SANBR: variants seen among roughly 807,000 people sequenced by gnomAD.
The protein encoded by SANBR is SANT and BTB domain regulator of class switch recombination.
SANBR carries 77 observed loss-of-function variants against 101.8 expected under a neutral mutation model. The ratio of observed to expected loss-of-function variants is 0.76; its 90% confidence interval spans 0.63 to 0.91. SANBR has a LOEUF of 0.91. Ranked by LOEUF, SANBR falls within the 40% of genes least tolerant of loss-of-function variation. The probability of loss-of-function intolerance (pLI) is 0.00; values close to 1 mark genes in which losing one functional copy is unlikely to be tolerated. For missense variants in SANBR, 875 were observed against 853.0 expected, an observed-to-expected ratio of 1.03 and a Z score of -0.32; for synonymous variants, 279 against 274.7, an observed-to-expected ratio of 1.02 and a Z score of -0.15.
chr2:61,107,533 G>A (rs1437824361), intron 14 of SANBR, among the ~76,000 whole-genome samples: 1 of 152,204 alleles, frequency 6.6e-6, no homozygotes, highest in Non-Finnish European at 1.5e-5. Flanking sequence ...CTGTCTTTGT[G>A]TTGGTTAAGA....
At chr2:61,068,515 C>T (rs1681296703) in intron 1 of SANBR, among the ~76,000 whole-genome samples, 1 of 152,150 alleles carries the variant, frequency 6.6e-6, no homozygotes. Flanking sequence ...TTATTTAATC[C>T]TCACCGTAAC....
chr2:61,106,753 T>C (rs527696225), intron 14 of SANBR, 91 bp downstream of exon 14: 3 of 730,082 alleles, frequency 4.1e-6, no homozygotes, highest in Non-Finnish European at 4.4e-6. Flanking sequence ...TAAGTTGAAA[T>C]TGAACTGACT....
At chr2:61,099,850 G>A (rs541402618) in intron 12 of SANBR, among the ~76,000 whole-genome samples, 1 of 152,066 alleles carries the variant, frequency 6.6e-6, no homozygotes, top group Non-Finnish European at 1.5e-5. Flanking sequence ...GTGGACTGTG[G>A]TGCCTAATAC....
chr2:61,086,214 AG>A (rs1489048281), intron 8 of SANBR, among the ~76,000 whole-genome samples: 2 of 151,840 alleles, frequency 1.3e-5, no homozygotes, highest in Non-Finnish European at 2.9e-5. Flanking sequence ...CCCAAGCTGG[AG>A]GGTAGTGGTA....
rs1234920160 is a variant in SANBR at position 61,123,419 on chromosome 2, A to T, written c.*1257A>T. 2.0e-6 allele frequency: 2 copies of T among 984,920 alleles called. No homozygotes were observed. The highest frequency in any genetic ancestry group is 2.2e-4 in the East Asian group (2 of 8,968). 61.0% of individuals were successfully genotyped at this position (984,920 alleles called of 1,614,324 possible). A position where few individuals can be genotyped will look rare whatever the true frequency, so the allele number is the denominator to read the frequency against. On this transcript the variant is annotated 3_prime_UTR_variant, in exon 22 of 22. Coordinates refer to ENST00000402291, the MANE Select transcript of SANBR (RefSeq NM_001129993.3). Reference sequence around the variant, plus strand: ...TCTTTTAGTTGATAAATGAAGCTAGATGTTATTTGATAACTGGCTTTGCCA... The same window carrying T: ...TCTTTTAGTTGATAAATGAAGCTAGTTGTTATTTGATAACTGGCTTTGCCA...
chr2:61,070,156 T>A (rs1051243492), intron 2 of SANBR, among the ~76,000 whole-genome samples, 186 bp from the exon 3 acceptor site: 4 of 152,242 alleles, frequency 2.6e-5, no homozygotes, highest in Admixed American at 2.6e-4. Context: ...CATTTATCAA[T>A]GCATAATATT....
intron 12 of SANBR, among the ~76,000 whole-genome samples, chr2:61,101,931 G>A (rs1033804109): frequency 6.6e-6 from 1 of 151,870 alleles, no homozygotes; most frequent in African/African-American, 2.4e-5. Context: ...CCAGCTACTC[G>A]GGAGGCAGGA....
At chr2:61,100,750 T>C (rs1272032407) in intron 12 of SANBR, among the ~76,000 whole-genome samples, 2 of 152,152 alleles carry the variant, frequency 1.3e-5, no homozygotes, top group East Asian at 1.9e-4. Flanking sequence ...AGGTTTGAAA[T>C]AGTATTTTGA....
chr2:61,110,969 C>T (rs1683802460), intron 16 of SANBR, among the ~76,000 whole-genome samples: 1 of 152,114 alleles, frequency 6.6e-6, no homozygotes, highest in African/African-American at 2.4e-5. Flanking sequence ...TTTTATTAGA[C>T]ACAAAAACCT....
At position 61,122,625 on chromosome 2, in the gene SANBR, T is replaced by A; in HGVS notation, c.*463T>A. On this transcript the variant is annotated 3_prime_UTR_variant, in exon 22 of 22. Coordinates refer to ENST00000402291, the MANE Select transcript of SANBR (RefSeq NM_001129993.3). The stretch of plus-strand genomic sequence containing the variant: ...GCAGGTTGTGTGACGAAATTCCCAA[T>A]GATGCTAATTTTAAGTCTGCATGAA... 1 of 987,196 alleles carries A rather than the reference T, an allele frequency of 1.0e-6. No individual in the cohort carries two copies. The highest frequency in any genetic ancestry group is 1.2e-6 in the Non-Finnish European group (1 of 831,092). The allele number at this position is 987,196 out of a possible 1,614,324, so 61.2% of individuals were successfully genotyped here. A position where few individuals can be genotyped will look rare whatever the true frequency, so the allele number is the denominator to read the frequency against.
chr2:61,083,271 A>G lies in SANBR; in HGVS notation c.847A>G (p.Asn283Asp). The change falls in exon 8 of 22, where the codon AAT (asparagine) becomes GAT (aspartate). Residue 283 changes from asparagine (N) to aspartate (D), a missense_variant. Physicochemically the swap from Asn to Asp is conservative, Grantham distance 23 (BLOSUM62 1). Coordinates refer to ENST00000402291, the MANE Select transcript of SANBR (RefSeq NM_001129993.3). The stretch of plus-strand genomic sequence containing the variant: ...ACGTATAGCTGATCTGTTCTCACAC[A>G]ATGAAGTTGATGATTTAAAGGACAA... ...LTRIADLFSH[N>D]EVDDLKDKKD... 1.9e-6 allele frequency: 3 copies of G among 1,609,024 alleles called. No individual in the cohort carries two copies. Among genetic ancestry groups the G allele is most frequent in the Non-Finnish European group, 2.5e-6 (3 of 1,176,898 alleles).
chr2:61,105,277 A>C (rs1012438353), intron 13 of SANBR, among the ~76,000 whole-genome samples: 1 of 151,764 alleles, frequency 6.6e-6, no homozygotes, highest in Admixed American at 6.6e-5. Flanking sequence ...GAGGCAGGAG[A>C]AGTGCTTGAA....
At chr2:61,117,302 C>T in intron 17 of SANBR, 55 bp from the exon 18 acceptor site, 6 of 1,468,734 alleles carry the variant, frequency 4.1e-6, no homozygotes, top group Non-Finnish European at 4.8e-6. Flanking sequence ...CTAACTATAG[C>T]ACTAATCAGT....
Position 61,108,307 on chromosome 2 carries a change from T to G in SANBR, c.1612-10T>G. On this transcript the variant is annotated splice_polypyrimidine_tract_variant and intron_variant, in intron 14 of 21. Transcript: ENST00000402291. The stretch of plus-strand genomic sequence containing the variant: ...TGCAGATTTATTAATCTCTTATTCC[T>G]GTCTTGTAGTTCTTGTCATTGAAAA... 6.4e-7 allele frequency: 1 copy of G among 1,551,250 alleles called. No homozygotes were observed.
chr2:61,096,246 C>T (rs557218626), intron 11 of SANBR, among the ~76,000 whole-genome samples: 22 of 152,276 alleles, frequency 1.4e-4, no homozygotes, highest in Admixed American at 7.9e-4. Flanking sequence ...GTGCCCCCTG[C>T]ACAGGCCCAA....
chr2:61,091,141 C>T (rs1682734193), intron 10 of SANBR, among the ~76,000 whole-genome samples: 1 of 151,970 alleles, frequency 6.6e-6, no homozygotes, highest in African/African-American at 2.4e-5. Context: ...ACAAAACCAG[C>T]AAAATTAGAA....
At chr2:61,066,347 C>T (rs1351093973) in intron 1 of SANBR, 2 of 152,494 alleles carry the variant, frequency 1.3e-5, no homozygotes, top group African/African-American at 2.4e-5. Flanking sequence ...CTGCCCGGCG[C>T]CTTTGTCCGC....
At position 61,109,280 on chromosome 2, in the gene SANBR, A is replaced by G; in HGVS notation, c.1728A>G (p.Glu576=). ...VTEDEVGDEE[E]VSKKQRKKEK... is the part of the protein sequence containing the mutation. ...AAGATGAAGTTGGAGATGAAGAAGA[A>G]GTATCCAAGAAACAAAGTATTGGTT... The change falls in exon 16 of 22, where the codon GAA becomes GAG. Residue 576 remains glutamate (E), a synonymous_variant. Coordinates refer to ENST00000402291, the MANE Select transcript of SANBR (RefSeq NM_001129993.3). 2 of 1,561,946 alleles carry G rather than the reference A, an allele frequency of 1.3e-6. No homozygotes were observed. The highest frequency in any genetic ancestry group is 1.2e-5 in the South Asian group (1 of 82,634).
chr2:61,115,927 A>G, intron 16 of SANBR, 52 bp from the exon 17 acceptor site: 1 of 1,083,938 alleles, frequency 9.2e-7, no homozygotes, highest in Non-Finnish European at 1.4e-6. Context: ...TAACAAGTGG[A>G]CTGGAAAAGT....
Sources: gnomAD v4.1 joint callset for allele counts (sites outside exome capture counted in the v4.1 genomes callset) on GRCh38, gnomAD v4.1.1 for gene constraint, MANE v1.5 for transcripts, NCBI Gene and HGNC (gene_info 2026-07-23, HGNC 2026-07-21) for gene names.